Variants in XIRP2 observed in about 807,000 individuals in gnomAD.
The protein encoded by XIRP2 is xin actin binding repeat containing 2.
XIRP2 carries 236 observed loss-of-function variants against 277.0 expected under a neutral mutation model. That is an observed-to-expected ratio of 0.85 (90% CI 0.77 to 0.95). The LOEUF (loss-of-function observed/expected upper bound fraction) is 0.95, where lower values mean the gene tolerates loss of function less well. XIRP2 is among the 40% of genes least tolerant of loss of function. XIRP2 has a pLI of 0.00. For missense variants in XIRP2, 4,640 were observed against 4,157.5 expected (o/e 1.12, Z -3.19); for synonymous variants, 1,490 against 1,416.5 (o/e 1.05, Z -1.17).
At chr2:167,059,101 CTTT>C (rs572437575) in intron 2 of XIRP2, among the ~76,000 whole-genome samples, 3,166 of 95,600 alleles carry the variant, frequency 0.033, 29 homozygotes, top group African/African-American at 0.076. Flanking sequence ...TTTTTTTTCT[CTTT>C]TTTTTTTTTT....
rs115396243 is a variant in XIRP2, at chr2:167,128,359, T to C, written c.409-7550T>C. Among the ~76,000 whole-genome samples the C allele has an allele frequency of 7.1e-3, 1,083 of 152,274 alleles. 15 individuals carry two copies. The highest frequency in any genetic ancestry group is 0.025 in the African/African-American group (1,023 of 41,546). On this transcript the variant is annotated intron_variant, in intron 2 of 10. Transcript: ENST00000409195. ...ACAGGTCTAAACTGTGTGCGTCCAC[T>C]TACATGCAGGATTTTTTCAGTAAGT...
intron 2 of XIRP2, among the ~76,000 whole-genome samples, chr2:167,070,359 A>G (rs1437316556): frequency 1.3e-5 from 2 of 152,174 alleles, no homozygotes; most frequent in South Asian, 2.1e-4. Context: ...TAATCTAACA[A>G]TGCCCAGTTC....
At chr2:167,164,966 A>C (rs1190044863) in intron 3 of XIRP2, among the ~76,000 whole-genome samples, 1 of 152,184 alleles carries the variant, frequency 6.6e-6, no homozygotes, top group Admixed American at 6.5e-5. Context: ...TACTGCCCTA[A>C]AAATTCTTTA....
intron 2 of XIRP2, among the ~76,000 whole-genome samples, chr2:166,977,823 G>A (rs1366733202): frequency 6.6e-6 from 1 of 152,030 alleles, no homozygotes; most frequent in African/African-American, 2.4e-5. Flanking sequence ...TAATTCATAG[G>A]GTATCAAGTA....
chr2:167,254,072 A>T lies in XIRP2; in HGVS notation c.10596A>T (p.Ser3532=). 6.2e-7 allele frequency: 1 copy of T among 1,607,568 alleles called. No homozygotes were observed. Among genetic ancestry groups the T allele is most frequent in the Non-Finnish European group, 8.5e-7 (1 of 1,176,696 alleles). ...APRQGNMYTL[S]KDSLSNGVPS... is the part of the protein sequence containing the mutation. ...GACAAGGAAATATGTATACTTTGTC[A>T]AAAGACAGTTTATCCAATGGAGTGC... Residue 3532 remains serine, a synonymous_variant, in exon 10 of 11, where the codon TCA becomes TCT. Coordinates refer to ENST00000409195, the MANE Select transcript of XIRP2 (RefSeq NM_152381.6).
rs563388366 is a variant in XIRP2, at chr2:167,000,966, G to A, written c.408+97076G>A. Among the ~76,000 whole-genome samples the A allele has an allele frequency of 1.1e-4, 16 of 152,220 alleles. No homozygotes were observed. The East Asian group carries it at 2.3e-3, about 22-fold the overall frequency. On this transcript the variant is annotated intron_variant, in intron 2 of 10. Transcript: ENST00000409195. The stretch of plus-strand genomic sequence containing the variant: ...GGAGGCTGAGGCAGTAGGATAGCTC[G>A]AGACCAGGAGTTCGAGGTTATAGTG...
chr2:167,085,824 G>A (rs1305481772), intron 2 of XIRP2, among the ~76,000 whole-genome samples: 2 of 151,606 alleles, frequency 1.3e-5, no homozygotes, highest in East Asian at 1.9e-4. Flanking sequence ...TTTATTTTGA[G>A]CCTATGTGTG....
Position 167,247,935 on chromosome 2 carries a change from C to A in XIRP2, c.6543C>A (p.Asp2181Glu), listed in dbSNP as rs1695332352. Reference sequence around the variant, plus strand: ...GAGGAACTTACGACCTTTCAGGGGACTTTCAGAAGCAAACTTTGTTAAAGC... The same window carrying A: ...GAGGAACTTACGACCTTTCAGGGGAATTTCAGAAGCAAACTTTGTTAAAGC... Reference protein sequence around the residue: ...PVGGTYDLSGDFQKQTLLKQE... With the variant: ...PVGGTYDLSGEFQKQTLLKQE... The change falls in exon 9 of 11, where the codon GAC becomes GAA. Residue 2181 changes from aspartate to glutamate, a missense_variant. Transcript: ENST00000409195. The A allele has an allele frequency of 2.5e-6, 4 of 1,610,836 alleles. No homozygotes were observed. Among genetic ancestry groups the A allele is most frequent in the Non-Finnish European group, 3.4e-6 (4 of 1,179,170 alleles).
chr2:167,065,943 C>A, intron 2 of XIRP2, among the ~76,000 whole-genome samples: 1 of 151,892 alleles, frequency 6.6e-6, no homozygotes, highest in East Asian at 1.9e-4. Context: ...TTTATTGAAA[C>A]TTAAAAAGCA....
chr2:167,061,614 A>G (rs1689176108), intron 2 of XIRP2, among the ~76,000 whole-genome samples: 1 of 152,102 alleles, frequency 6.6e-6, no homozygotes, highest in African/African-American at 2.4e-5. Context: ...GTTCTCATCA[A>G]GCAAAGATGA....
At chr2:167,149,302 G>C (rs1376703080) in intron 3 of XIRP2, among the ~76,000 whole-genome samples, 7 of 152,274 alleles carry the variant, frequency 4.6e-5, no homozygotes, top group African/African-American at 1.7e-4. Flanking sequence ...GGAAGCACAT[G>C]CTTTCAACTG....
intron 2 of XIRP2, among the ~76,000 whole-genome samples, chr2:167,085,536 A>T (rs572090181): frequency 2.0e-5 from 3 of 152,060 alleles, no homozygotes; most frequent in Non-Finnish European, 4.4e-5. Flanking sequence ...TAATGTTGAC[A>T]GTGGGGTGTT....
rs761177867 is a variant in XIRP2 at position 167,251,615 on chromosome 2, T to C, written c.10223T>C (p.Ile3408Thr). 10 of 1,613,540 alleles carry C rather than the reference T, an allele frequency of 6.2e-6. No individual in the cohort carries two copies. Among genetic ancestry groups the C allele is most frequent in the Non-Finnish European group, 8.5e-6 (10 of 1,179,662 alleles). ...REKIPVKQPR[I>T]CSETRSLSEH... ...AAGATTCCTGTTAAGCAGCCCAGGATCTGCTCTGAAACCAGGTCTCTAAGT... is the reference window on the plus strand; with the variant it reads ...AAGATTCCTGTTAAGCAGCCCAGGACCTGCTCTGAAACCAGGTCTCTAAGT... Residue 3408 changes from isoleucine to threonine, a missense_variant, in exon 9 of 11, where the codon ATC (isoleucine) becomes ACC (threonine). Physicochemically the swap from Ile to Thr is moderately conservative, Grantham distance 89. Transcript: ENST00000409195.
chr2:167,079,443 C>T (rs976206704), intron 2 of XIRP2, among the ~76,000 whole-genome samples: 5 of 152,134 alleles, frequency 3.3e-5, no homozygotes, highest in Non-Finnish European at 7.4e-5. Flanking sequence ...TAGAATTCGG[C>T]TGTGAATTCC....
chr2:167,158,525 G>A (rs1692269705), intron 3 of XIRP2, among the ~76,000 whole-genome samples: 1 of 152,170 alleles, frequency 6.6e-6, no homozygotes, highest in Non-Finnish European at 1.5e-5. Flanking sequence ...CCCAGGAATG[G>A]TGGGATAGAA....
chr2:167,245,867 G>A lies in XIRP2; in HGVS notation c.4475G>A (p.Trp1492Ter), dbSNP rs1292589694. The change falls in exon 9 of 11, where the codon TGG becomes TAG. Residue 1492 changes from tryptophan to a stop codon, truncating the protein, a stop_gained. Coordinates refer to ENST00000409195, the MANE Select transcript of XIRP2 (RefSeq NM_152381.6). LOFTEE classifies it high-confidence loss of function. ...AAAGGTGATGTTAAGCAGGCTGTGTGGCTTTTTGAAAATCGAACTTTCGAT... is the reference window on the plus strand; with the variant it reads ...AAAGGTGATGTTAAGCAGGCTGTGTAGCTTTTTGAAAATCGAACTTTCGAT... ...VQKGDVKQAVWLFENRTFDSI... is the reference protein window; with the variant it reads ...VQKGDVKQAV 16 of 1,613,574 alleles carry A rather than the reference G, an allele frequency of 9.9e-6. No individual in the cohort carries two copies. Among genetic ancestry groups the A allele is most frequent in the Non-Finnish European group, 1.4e-5 (16 of 1,179,780 alleles).
intron 2 of XIRP2, among the ~76,000 whole-genome samples, chr2:167,050,588 A>G (rs2105533996): frequency 6.6e-6 from 1 of 152,136 alleles, no homozygotes; most frequent in East Asian, 1.9e-4. Flanking sequence ...CTACGGGAAG[A>G]GAAGTCCTAG....
intron 3 of XIRP2, among the ~76,000 whole-genome samples, chr2:167,209,827 G>T (rs900584594): frequency 3.3e-5 from 5 of 151,988 alleles, no homozygotes; most frequent in African/African-American, 1.2e-4. Flanking sequence ...ACAATGGAGG[G>T]TCCTTATGTT....
intron 2 of XIRP2, among the ~76,000 whole-genome samples, chr2:166,904,454 G>C (rs1292871265): frequency 6.6e-6 from 1 of 152,062 alleles, no homozygotes; most frequent in East Asian, 1.9e-4. Context: ...AAACACTAAG[G>C]GTAGAGTCTG....
Sources: allele counts gnomAD v4.1 joint callset (sites outside exome capture counted in the v4.1 genomes callset), GRCh38; gene constraint gnomAD v4.1.1; transcripts MANE v1.5; gene names NCBI Gene and HGNC (gene_info 2026-07-23, HGNC 2026-07-21).